Variants in ADAMTS12 observed in about 807,000 individuals in gnomAD.
ADAMTS12 encodes the protein ADAM metallopeptidase with thrombospondin type 1 motif 12, also known as A disintegrin and metalloproteinase with thrombospondin motifs 12.
In ADAMTS12, 118 loss-of-function variants were observed where a neutral mutation model predicts 167.8. The observed-to-expected ratio is 0.70, with a 90% CI of 0.61 to 0.82. ADAMTS12 has a LOEUF of 0.82. ADAMTS12 is among the 40% of genes least tolerant of loss of function. The pLI, the probability that ADAMTS12 is intolerant of heterozygous loss-of-function variation, is 0.00. For synonymous variants in ADAMTS12, 704 were observed against 716.9 expected, an observed-to-expected ratio of 0.98 and a Z score of 0.29; for missense variants, 1,916 against 1,998.8, an observed-to-expected ratio of 0.96 and a Z score of 0.79.
chr5:33,606,625 C>T lies in ADAMTS12; in HGVS notation c.2527+7613G>A, dbSNP rs564318341. ...ATGAAGAAAAATCTCCCCCACCTAA[C>T]CAAAGTAGGACTGACTAGAATCTGT... On this transcript the variant is annotated intron_variant, in intron 16 of 23. Coordinates refer to ENST00000504830, the MANE Select transcript of ADAMTS12 (RefSeq NM_030955.4). 1.4e-4 allele frequency among the ~76,000 whole-genome samples: 21 copies of T among 152,272 alleles called. No individual in the cohort carries two copies. The East Asian group carries it at 4.1e-3, about 29-fold the overall frequency.
intron 3 of ADAMTS12, among the ~76,000 whole-genome samples, chr5:33,734,552 G>A (rs1744301884): frequency 1.3e-5 from 2 of 152,152 alleles, no homozygotes; most frequent in Admixed American, 1.3e-4. Flanking sequence ...AATTTACTGT[G>A]CTAAACATAA....
chr5:33,872,962 T>C (rs867779563), intron 2 of ADAMTS12, among the ~76,000 whole-genome samples: 3 of 152,350 alleles, frequency 2.0e-5, no homozygotes, highest in Middle Eastern at 3.4e-3. Flanking sequence ...TAATACAGAA[T>C]ATCTCTTCAT....
intron 2 of ADAMTS12, among the ~76,000 whole-genome samples, chr5:33,828,244 G>C (rs992710920): frequency 1.3e-5 from 2 of 152,168 alleles, no homozygotes; most frequent in Non-Finnish European, 2.9e-5. Flanking sequence ...GTAACATCAA[G>C]TGCTTTTAAT....
chr5:33,824,377 T>C (rs1747980343), intron 2 of ADAMTS12, among the ~76,000 whole-genome samples: 1 of 152,206 alleles, frequency 6.6e-6, no homozygotes, highest in African/African-American at 2.4e-5. Context: ...CCCTTGAAGG[T>C]AGGTTCCCTT....
At chr5:33,633,806 C>T (rs1156977792) in intron 12 of ADAMTS12, among the ~76,000 whole-genome samples, 1 of 152,154 alleles carries the variant, frequency 6.6e-6, no homozygotes, top group Non-Finnish European at 1.5e-5. Context: ...TTGAGTCCAT[C>T]ATCTCTACAG....
intron 5 of ADAMTS12, among the ~76,000 whole-genome samples, chr5:33,677,278 T>G (rs1741947011): frequency 6.6e-6 from 1 of 152,146 alleles, no homozygotes; most frequent in Non-Finnish European, 1.5e-5. Flanking sequence ...TATTGAGCAG[T>G]TTCTACAAGC....
chr5:33,821,324 T>G (rs1017791811), intron 2 of ADAMTS12, among the ~76,000 whole-genome samples: 1 of 152,198 alleles, frequency 6.6e-6, no homozygotes, highest in Non-Finnish European at 1.5e-5. Context: ...TCCCAAGTAC[T>G]GGGAGTGACT....
chr5:33,714,329 T>A (rs756000387), intron 3 of ADAMTS12, among the ~76,000 whole-genome samples: 8 of 152,220 alleles, frequency 5.3e-5, no homozygotes, highest in South Asian at 2.1e-4. Context: ...TTGTTGGCAA[T>A]GTAAATCAAA....
chr5:33,686,054 C>A (rs1413070226), intron 3 of ADAMTS12, among the ~76,000 whole-genome samples: 2 of 152,186 alleles, frequency 1.3e-5, no homozygotes, highest in Non-Finnish European at 2.9e-5. Flanking sequence ...TCGGTCTCAT[C>A]TTTCTCTAAG....
At chr5:33,569,057 TG>T (rs1339212029) in intron 19 of ADAMTS12, among the ~76,000 whole-genome samples, 1 of 152,236 alleles carries the variant, frequency 6.6e-6, no homozygotes, top group Non-Finnish European at 1.5e-5. Context: ...CACCTGCCAT[TG>T]CCCAGGCTCA....
At chr5:33,610,139 C>A (rs138654068) in intron 16 of ADAMTS12, among the ~76,000 whole-genome samples, 16 of 152,168 alleles carry the variant, frequency 1.1e-4, no homozygotes, top group Non-Finnish European at 1.9e-4. Context: ...CGAGATTGAG[C>A]CATTGTGCTC....
rs528235454 is a variant in ADAMTS12, at chr5:33,561,567, G to A, written c.3973-388C>T. 1.6e-4 allele frequency among the ~76,000 whole-genome samples: 24 copies of A among 152,266 alleles called. No individual in the cohort carries two copies. The South Asian group carries it at 4.6e-3, about 29-fold the overall frequency. The stretch of plus-strand genomic sequence containing the variant: ...GGAGGCTGAGGCAGGAGGATCCTTT[G>A]AGCCCAGGAGTTTGAGATCACCTGG... On this transcript the variant is annotated intron_variant, in intron 19 of 23. Transcript: ENST00000504830.
At chr5:33,726,903 G>A (rs4866342) in intron 3 of ADAMTS12, among the ~76,000 whole-genome samples, 17,136 of 152,034 alleles carry the variant, frequency 0.11, 1,246 homozygotes, top group Middle Eastern at 0.15. Flanking sequence ...CCTTTTGGAC[G>A]GCCAGATCCA....
In ADAMTS12 at chr5:33,576,304, G is replaced by A; in HGVS notation, c.3722C>T (p.Thr1241Ile). ...TGTPRVEGMV[T>I]EKPANTLLPL... is the part of the protein sequence containing the mutation. ...GAGCAGAGTGTTGGCTGGCTTTTCA[G>A]TAACCATCCCCTCAACTCTGGGTGT... The change falls in exon 19 of 24, where the codon ACT (threonine) becomes ATT (isoleucine). Residue 1241 changes from threonine (T) to isoleucine (I), a missense_variant. Transcript: ENST00000504830. The A allele has an allele frequency of 1.9e-6, 3 of 1,614,174 alleles. No individual in the cohort carries two copies. Among genetic ancestry groups the A allele is most frequent in the Non-Finnish European group, 8.5e-7 (1 of 1,180,028 alleles).
intron 2 of ADAMTS12, among the ~76,000 whole-genome samples, chr5:33,835,535 C>T (rs886487166): frequency 3.3e-5 from 5 of 152,266 alleles, no homozygotes; most frequent in East Asian, 1.9e-4. Flanking sequence ...CAGTATCTGG[C>T]GAGGGCCTGT....
chr5:33,884,822 A>G (rs1750580633), intron 1 of ADAMTS12, among the ~76,000 whole-genome samples: 1 of 152,248 alleles, frequency 6.6e-6, no homozygotes, highest in Non-Finnish European at 1.5e-5. Context: ...GTCCCATTTG[A>G]ATACCCTGTT....
chr5:33,676,558 C>T (rs1297599364), intron 5 of ADAMTS12, among the ~76,000 whole-genome samples: 1 of 151,760 alleles, frequency 6.6e-6, no homozygotes, highest in Non-Finnish European at 1.5e-5. Flanking sequence ...GTTGCAAGTG[C>T]CTGTATTCCT....
chr5:33,843,764 TAAGCAGG>T (rs753340958), intron 2 of ADAMTS12, among the ~76,000 whole-genome samples: 3 of 152,196 alleles, frequency 2.0e-5, no homozygotes, highest in Non-Finnish European at 4.4e-5. Flanking sequence ...TTGGATCTGA[TAAGCAGG>T]AAGTGACTAA....
intron 16 of ADAMTS12, among the ~76,000 whole-genome samples, chr5:33,608,665 TACAG>T (rs1177263780): frequency 6.6e-6 from 1 of 151,942 alleles, no homozygotes; most frequent in Non-Finnish European, 1.5e-5. Context: ...CACCCAGAGG[TACAG>T]ACAAAGAAAA....
Sources: allele counts gnomAD v4.1 joint callset (sites outside exome capture counted in the v4.1 genomes callset), GRCh38; gene constraint gnomAD v4.1.1; transcripts MANE v1.5; gene names NCBI Gene and HGNC (gene_info 2026-07-23, HGNC 2026-07-21).